Variants in MYO1C observed in about 807,000 individuals in gnomAD.
The protein encoded by MYO1C is myosin IC.
A neutral mutation model predicts 150.8 loss-of-function variants in MYO1C; 104 were observed. The ratio of observed to expected loss-of-function variants is 0.69; its 90% CI spans 0.59 to 0.81. The LOEUF (loss-of-function observed/expected upper bound fraction) is 0.81, where lower values mean the gene tolerates loss of function less well. MYO1C is among the 30% of genes least tolerant of loss of function. The pLI is 0.00. For missense variants in MYO1C, 1,504 were observed against 1,435.0 expected (o/e 1.05, Z -0.78); for synonymous variants, 663 against 579.9 (o/e 1.14, Z -2.06).
intron 1 of MYO1C, chr17:1,485,766 C>G (rs1299671747): frequency 1.9e-6 from 2 of 1,049,166 alleles, no homozygotes; most frequent in Non-Finnish European, 2.3e-6. Flanking sequence ...GTCCCGGGCT[C>G]GGCGGCGGTG....
chr17:1,482,416 G>A, intron 5 of MYO1C, 62 bp downstream of exon 5: 1 of 1,427,048 alleles, frequency 7.0e-7, no homozygotes, highest in Non-Finnish European at 9.9e-7. Flanking sequence ...GTACCCAGTA[G>A]GTGCTTCACA....
intron 1 of MYO1C, among the ~76,000 whole-genome samples, chr17:1,489,833 G>A (rs2074708936): frequency 6.6e-6 from 1 of 151,420 alleles, no homozygotes; most frequent in African/African-American, 2.4e-5. Context: ...GAGGTCAGGA[G>A]TTCCAGACCA....
rs771072352 is a variant in MYO1C at position 1,480,907 on chromosome 17, A to G, written c.628-22T>C. On this transcript the variant is annotated intron_variant, in intron 5 of 31. Transcript: ENST00000648651. Reference sequence around the variant, plus strand: ...CACCCTGTGGGCAGGGCAGGGCATGAGGCCGGGTCACGGGGACTGGGAAAA... The same window carrying G: ...CACCCTGTGGGCAGGGCAGGGCATGGGGCCGGGTCACGGGGACTGGGAAAA... The G allele has an allele frequency of 4.3e-6, 7 of 1,612,762 alleles. No individual in the cohort carries two copies. The East Asian group carries it at 1.6e-4, about 36-fold the overall frequency.
At position 1,478,669 on chromosome 17, in the gene MYO1C, T is replaced by G; in HGVS notation, c.1159A>C (p.Ser387Arg). The G allele has an allele frequency of 6.2e-7, 1 of 1,614,158 alleles. No homozygotes were observed. Among genetic ancestry groups the G allele is most frequent in the Non-Finnish European group, 8.5e-7 (1 of 1,180,024 alleles). ...CCGACGAGCCAGGTAAAAGTGCGGC[T>G]GTACACAGCCTTGGCGAGGGCGTCT... ...ARDALAKAVY[S>R]RTFTWLVGKI... is the part of the protein sequence containing the mutation. Residue 387 changes from serine to arginine, a missense_variant, in exon 10 of 32, where the codon AGC becomes CGC. By Grantham distance (110) the Ser-to-Arg change is moderately radical (BLOSUM62 -1). Coordinates refer to ENST00000648651, the MANE Select transcript of MYO1C (RefSeq NM_001080779.2). This position sits in a 1 kb window ranked among gnomAD's most constrained non-coding sequence, Gnocchi z 6.3.
At chr17:1,477,178 C>T (rs1598334288) in intron 14 of MYO1C, 2 of 282,332 alleles carry the variant, frequency 7.1e-6, no homozygotes, top group East Asian at 1.4e-4. Context: ...TTATTTTTTT[C>T]CCTTTTTTTT....
intron 17 of MYO1C, among the ~76,000 whole-genome samples, chr17:1,474,008 A>G (rs1252029146): frequency 6.6e-6 from 1 of 152,020 alleles, no homozygotes; most frequent in Non-Finnish European, 1.5e-5. Context: ...CATGACAGCA[A>G]CCGCACAGAG....
At chr17:1,490,962 A>G (rs2074722971) in intron 1 of MYO1C, 1 of 152,316 alleles carries the variant, frequency 6.6e-6, no homozygotes, top group Non-Finnish European at 1.5e-5. Flanking sequence ...CACCTCCTCC[A>G]GAACCCCTTC....
chr17:1,492,520 C>A lies in MYO1C; in HGVS notation c.-33G>T, dbSNP rs568146557. ...TGCGGAGAGCCAGCGGCCTGGGCACCGCGGCCTGTGAGCAAGAGCTGCCTG... is the reference window on the plus strand; with the variant it reads ...TGCGGAGAGCCAGCGGCCTGGGCACAGCGGCCTGTGAGCAAGAGCTGCCTG... On this transcript the variant is annotated 5_prime_UTR_variant, in exon 1 of 32. Transcript: ENST00000648651. 3 of 1,571,466 alleles carry A rather than the reference C, an allele frequency of 1.9e-6. No individual in the cohort carries two copies. Among genetic ancestry groups the A allele is most frequent in the Non-Finnish European group, 2.6e-6 (3 of 1,158,280 alleles).
intron 1 of MYO1C, chr17:1,484,947 A>G (rs2074620685): frequency 4.5e-6 from 2 of 447,838 alleles, no homozygotes; most frequent in South Asian, 1.6e-5. Context: ...AGACTACACC[A>G]GAGGGGTTCC....
At chr17:1,484,101 G>T (rs780581065) in intron 2 of MYO1C, 47 bp downstream of exon 2, 1 of 1,605,788 alleles carries the variant, frequency 6.2e-7, no homozygotes, top group South Asian at 1.1e-5. Flanking sequence ...CCGCTTGCCT[G>T]TGTCTGTGAC....
chr17:1,475,057 C>T, intron 14 of MYO1C, 25 bp from the exon 15 acceptor site: 1 of 1,549,230 alleles, frequency 6.5e-7, no homozygotes. Flanking sequence ...GAGGAAGCTG[C>T]AGATGGCTGC....
chr17:1,469,506 C>T, intron 25 of MYO1C, 25 bp downstream of exon 25: 2 of 1,579,652 alleles, frequency 1.3e-6, no homozygotes, highest in East Asian at 2.3e-5. Flanking sequence ...ACTTCCTCAT[C>T]CTCACCCAGC....
intron 3 of MYO1C, among the ~76,000 whole-genome samples, 177 bp downstream of exon 3, chr17:1,483,433 C>A (rs1002218707): frequency 6.6e-5 from 10 of 151,996 alleles, no homozygotes; most frequent in African/African-American, 2.2e-4. Flanking sequence ...CTGAGTCCCA[C>A]CCACATGGAG....
chr17:1,473,239 G>A (rs2074340168), intron 17 of MYO1C, among the ~76,000 whole-genome samples: 1 of 152,096 alleles, frequency 6.6e-6, no homozygotes, highest in Non-Finnish European at 1.5e-5. Context: ...TGACACCCAG[G>A]TTTCTGGCCT....
rs1307312927 is a variant in MYO1C, at chr17:1,467,325, C to T, written c.3082G>A (p.Gly1028Ser). The T allele has an allele frequency of 1.2e-6, 2 of 1,613,210 alleles. No individual in the cohort carries two copies. The highest frequency in any genetic ancestry group is 2.2e-5 in the South Asian group (2 of 90,958). The change falls in exon 31 of 32, where the codon GGC becomes AGC. Residue 1028 changes from glycine to serine, a missense_variant. Physicochemically the swap from Gly to Ser is moderately conservative, Grantham distance 56. Coordinates refer to ENST00000648651, the MANE Select transcript of MYO1C (RefSeq NM_001080779.2). ...INQGSITFAG[G>S]PGRDGTIDFT... ...TCAATGGTGCCATCCCTGCCGGGGCCCCCTGCAAACGTGATGCTGGGGGAA... is the reference window on the plus strand; with the variant it reads ...TCAATGGTGCCATCCCTGCCGGGGCTCCCTGCAAACGTGATGCTGGGGGAA...
intron 19 of MYO1C, 133 bp from the exon 20 acceptor site, chr17:1,471,469 C>T: frequency 1.4e-6 from 1 of 739,888 alleles, no homozygotes; most frequent in Non-Finnish European, 2.4e-6. Context: ...CACTCGGTCA[C>T]TGCCCCCATT....
At position 1,479,475 on chromosome 17, in the gene MYO1C, G is replaced by T; in HGVS notation, c.1048C>A (p.Arg350=). ...RLLSVEGSTL[R]EALTHRKIIA... Reference sequence around the variant, plus strand: ...ATCTTCCTGTGTGTCAGGGCTTCTCGCAGCGTCGAGCCTTCCACGCTGAGG... The same window carrying T: ...ATCTTCCTGTGTGTCAGGGCTTCTCTCAGCGTCGAGCCTTCCACGCTGAGG... Residue 350 remains arginine (R), a synonymous_variant, in exon 9 of 32, where the codon CGA becomes AGA. Coordinates refer to ENST00000648651, the MANE Select transcript of MYO1C (RefSeq NM_001080779.2). This position sits in a 1 kb window ranked among gnomAD's most constrained non-coding sequence, Gnocchi z 4.2. 1.3e-6 allele frequency: 2 copies of T among 1,515,334 alleles called. No individual in the cohort carries two copies. The highest frequency in any genetic ancestry group is 1.8e-6 in the Non-Finnish European group (2 of 1,115,936). The allele number at this position is 1,515,334 out of a possible 1,614,324, so 93.9% of individuals were successfully genotyped here.
chr17:1,479,502 G>A lies in MYO1C; in HGVS notation c.1021C>T (p.Leu341Phe). The A allele has an allele frequency of 6.6e-7, 1 of 1,517,452 alleles. No individual in the cohort carries two copies. Among genetic ancestry groups the A allele is most frequent in the Middle Eastern group, 2.1e-4 (1 of 4,848 alleles). The allele number at this position is 1,517,452 out of a possible 1,614,324, so 94.0% of individuals were successfully genotyped here. The change falls in exon 9 of 32, where the codon CTC (leucine) becomes TTC (phenylalanine). Residue 341 changes from leucine to phenylalanine, a missense_variant and splice_region_variant. Physicochemically the swap from Leu to Phe is conservative, Grantham distance 22 (BLOSUM62 0). Transcript: ENST00000648651. This position sits in a 1 kb window ranked among gnomAD's most constrained non-coding sequence, Gnocchi z 4.2. ...TENQLKYLTRLLSVEGSTLRE... is the reference protein window; with the variant it reads ...TENQLKYLTRFLSVEGSTLRE... ...AGCGTCGAGCCTTCCACGCTGAGGAGCTGCCAAGGGCAGGCGAGGACACGG... is the reference window on the plus strand; with the variant it reads ...AGCGTCGAGCCTTCCACGCTGAGGAACTGCCAAGGGCAGGCGAGGACACGG...
At position 1,465,769 on chromosome 17, in the gene MYO1C, A is replaced by C; in HGVS notation, c.3166-17T>G. ...TGGGGCGACCTGTGGGGGCGGAGAG[A>C]GACGGCCAAGTGGTGAGGGGAGCAG... On this transcript the variant is annotated splice_polypyrimidine_tract_variant and intron_variant, in intron 31 of 31. Transcript: ENST00000648651. 7.6e-7 allele frequency: 1 copy of C among 1,317,324 alleles called. No homozygotes were observed. The highest frequency in any genetic ancestry group is 2.9e-5 in the South Asian group (1 of 34,270). The allele number at this position is 1,317,324 out of a possible 1,614,324, so 81.6% of individuals were successfully genotyped here.
Sources: gnomAD v4.1 joint callset for allele counts (sites outside exome capture counted in the v4.1 genomes callset) on GRCh38, gnomAD v4.1.1 for gene constraint, Gnocchi (gnomAD v3.1) non-coding constraint, MANE v1.5 for transcripts, NCBI Gene and HGNC (gene_info 2026-07-23, HGNC 2026-07-21) for gene names.